Variants in PSD3 observed in about 807,000 individuals in gnomAD.
The protein encoded by PSD3 is pleckstrin and Sec7 domain containing 3, also known as PH and SEC7 domain-containing protein 3.
In PSD3, 49 loss-of-function variants were observed where a neutral mutation model predicts 105.5. The ratio of observed to expected loss-of-function variants is 0.46; its 90% CI spans 0.37 to 0.59. PSD3 has a LOEUF of 0.59. PSD3 is among the 20% of genes least tolerant of loss of function. The pLI, the probability that PSD3 is intolerant of heterozygous loss-of-function variation, is 0.00. For missense variants in PSD3, 1,561 were observed against 1,263.8 expected, an observed-to-expected ratio of 1.24 and a Z score of -3.57; for synonymous variants, 557 against 457.8, an observed-to-expected ratio of 1.22 and a Z score of -2.77.
intron 10 of PSD3, among the ~76,000 whole-genome samples, chr8:18,642,088 A>G (rs1807687785): frequency 6.6e-6 from 1 of 152,198 alleles, no homozygotes; most frequent in Non-Finnish European, 1.5e-5. Context: ...GCTGCCAGAT[A>G]TGAGAAAGAT....
intron 11 of PSD3, among the ~76,000 whole-genome samples, chr8:18,612,820 C>T (rs1563378040): frequency 6.6e-6 from 1 of 152,080 alleles, no homozygotes; most frequent in African/African-American, 2.4e-5. Context: ...AACATGAATG[C>T]AAACAATAAA....
chr8:18,589,358 C>T (rs777408737), intron 12 of PSD3, among the ~76,000 whole-genome samples: 7 of 152,224 alleles, frequency 4.6e-5, no homozygotes, highest in Non-Finnish European at 7.4e-5. Flanking sequence ...TAGAAGGATG[C>T]GGCAAATCAT....
At chr8:18,679,331 T>C (rs1416647020) in intron 9 of PSD3, among the ~76,000 whole-genome samples, 3 of 152,160 alleles carry the variant, frequency 2.0e-5, no homozygotes, top group African/African-American at 7.2e-5. Context: ...CTAAGCAGAA[T>C]GGGGAGAATA....
chr8:18,530,041 A>G lies in PSD3; in HGVS notation c.*5702T>C, dbSNP rs1209255374. 1 of 152,576 alleles carries G rather than the reference A, an allele frequency of 6.6e-6. No individual in the cohort carries two copies. Among genetic ancestry groups the G allele is most frequent in the Non-Finnish European group, 1.5e-5 (1 of 68,044 alleles). The allele number at this position is 152,576 out of a possible 1,614,324, so 9.5% of individuals were successfully genotyped here. ...ACACATTACTGCAGCCTGGAGCTGAAGTTAGTCTCCCACCCCACAATTCAA... is the reference window on the plus strand; with the variant it reads ...ACACATTACTGCAGCCTGGAGCTGAGGTTAGTCTCCCACCCCACAATTCAA... On this transcript the variant is annotated 3_prime_UTR_variant, in exon 16 of 16. Coordinates refer to ENST00000327040, the MANE Select transcript of PSD3 (RefSeq NM_015310.4).
intron 11 of PSD3, among the ~76,000 whole-genome samples, chr8:18,622,400 GT>G (rs1806179033): frequency 6.6e-6 from 1 of 152,166 alleles, no homozygotes; most frequent in Admixed American, 6.5e-5. Flanking sequence ...CTACCACTGT[GT>G]CATAATAGGC....
intron 2 of PSD3, among the ~76,000 whole-genome samples, chr8:18,904,596 T>A (rs185181576): frequency 6.6e-6 from 1 of 152,234 alleles, no homozygotes. Context: ...ACCCAATACC[T>A]GTACTACCAT....
At chr8:18,650,146 A>G (rs1437131619) in intron 10 of PSD3, among the ~76,000 whole-genome samples, 1 of 152,224 alleles carries the variant, frequency 6.6e-6, no homozygotes, top group Non-Finnish European at 1.5e-5. Context: ...TTTTCCTAAT[A>G]GACAATACTG....
chr8:18,743,197 G>A (rs1398379790), intron 9 of PSD3, among the ~76,000 whole-genome samples: 1 of 152,038 alleles, frequency 6.6e-6, no homozygotes, highest in Non-Finnish European at 1.5e-5. Context: ...GAATAACAGC[G>A]AAAAAAGCAT....
At chr8:18,784,495 G>T (rs1407031072) in intron 8 of PSD3, among the ~76,000 whole-genome samples, 1 of 152,074 alleles carries the variant, frequency 6.6e-6, no homozygotes, top group African/African-American at 2.4e-5. Flanking sequence ...GCTCATACAG[G>T]TTAAGGGCTC....
At position 18,556,368 on chromosome 8, in the gene PSD3, A is replaced by G. The variant is rs767998098; in HGVS notation, c.2785-16T>C. ...GTTGCTCCTCCTGCAGGAAATCATGATGCCATTTAGCGTTCAAAAAAAAAA... is the reference window on the plus strand; with the variant it reads ...GTTGCTCCTCCTGCAGGAAATCATGGTGCCATTTAGCGTTCAAAAAAAAAA... On this transcript the variant is annotated splice_polypyrimidine_tract_variant and intron_variant, in intron 14 of 15. Transcript: ENST00000327040. 6.9e-6 allele frequency: 11 copies of G among 1,604,354 alleles called. No individual in the cohort carries two copies. In the African/African-American group the frequency reaches 1.2e-4, roughly 18 times the overall value.
chr8:18,767,847 T>A (rs373199651), intron 8 of PSD3, among the ~76,000 whole-genome samples: 134 of 152,150 alleles, frequency 8.8e-4, no homozygotes, highest in Middle Eastern at 3.4e-3. Flanking sequence ...CTTTTCAAGG[T>A]CACGCTATTC....
At chr8:18,946,787 C>A (rs1208331106) in intron 1 of PSD3, among the ~76,000 whole-genome samples, 2 of 151,198 alleles carry the variant, frequency 1.3e-5, no homozygotes, top group African/African-American at 2.4e-5. Flanking sequence ...TGCCGGTAAT[C>A]CCAGATACTT....
chr8:18,972,989 A>T (rs1824736663), intron 1 of PSD3, among the ~76,000 whole-genome samples: 1 of 152,240 alleles, frequency 6.6e-6, no homozygotes, highest in African/African-American at 2.4e-5. Context: ...GAAATTAACA[A>T]GACAAAACTT....
At chr8:18,851,760 A>G (rs966370853) in intron 4 of PSD3, among the ~76,000 whole-genome samples, 1 of 152,134 alleles carries the variant, frequency 6.6e-6, no homozygotes, top group African/African-American at 2.4e-5. Flanking sequence ...TACTTCTGCA[A>G]CAACAAGGCA....
exon 1 of PSD3, chr8:19,084,498 C>A: frequency 2.3e-6 from 1 of 439,700 alleles, no homozygotes; most frequent in Non-Finnish European, 4.6e-6. Context: ...GTGCTTCCAG[C>A]CCATGGAGGG....
Position 18,816,878 on chromosome 8 carries a change from G to A in PSD3, c.1635-11980C>T, listed in dbSNP as rs75111930. Among the ~76,000 whole-genome samples, 539 of 152,248 alleles carry A rather than the reference G, an allele frequency of 3.5e-3. 6 individuals are homozygous for A. The highest frequency in any genetic ancestry group is 0.012 in the African/African-American group (488 of 41,566). On this transcript the variant is annotated intron_variant, in intron 4 of 15. Coordinates refer to ENST00000327040, the MANE Select transcript of PSD3 (RefSeq NM_015310.4). ...GACAGTGACATTCATAAGTGCCTTG[G>A]AGATAAATATAGCTAGGTATGCAAG...
intron 1 of PSD3, among the ~76,000 whole-genome samples, chr8:18,969,415 A>C (rs1160049449): frequency 6.6e-6 from 1 of 152,202 alleles, no homozygotes; most frequent in Non-Finnish European, 1.5e-5. Flanking sequence ...TCAACGGTAC[A>C]CCATAAATTT....
Position 18,529,247 on chromosome 8 carries a change from A to C in PSD3, c.*6496T>G, listed in dbSNP as rs138788154. On this transcript the variant is annotated 3_prime_UTR_variant, in exon 16 of 16. Transcript: ENST00000327040. ...ATGGATCCCCTCATTTATGTGTTAA[A>C]AATATAATGCATCTCAAAGTCAGAC... is the stretch of plus-strand genomic sequence containing the variant. 7.0e-4 allele frequency: 107 copies of C among 152,262 alleles called. No homozygotes were observed. The highest frequency in any genetic ancestry group is 2.5e-3 in the African/African-American group (105 of 41,558). The allele number at this position is 152,262 out of a possible 1,614,324, so 9.4% of individuals were successfully genotyped here. A position where few individuals can be genotyped will look rare whatever the true frequency, so the allele number is the denominator to read the frequency against.
At chr8:18,677,976 C>T (rs1365346002) in intron 9 of PSD3, among the ~76,000 whole-genome samples, 5 of 149,272 alleles carry the variant, frequency 3.3e-5, no homozygotes. Flanking sequence ...GGCCACTGCA[C>T]TCCAGCCTGG....
Sources: allele counts gnomAD v4.1 joint callset (sites outside exome capture counted in the v4.1 genomes callset), GRCh38; gene constraint gnomAD v4.1.1; transcripts MANE v1.5; gene names NCBI Gene and HGNC (gene_info 2026-07-23, HGNC 2026-07-21).